Variants in ANKFN1 observed in about 807,000 individuals in gnomAD.
The protein encoded by ANKFN1 is ankyrin repeat and fibronectin type III domain containing 1.
ANKFN1 carries 74 observed loss-of-function variants against 108.7 expected under a neutral mutation model. The observed-to-expected ratio is 0.68, with a 90% CI of 0.56 to 0.83. The LOEUF is 0.83. ANKFN1 is among the 40% of genes least tolerant of loss of function. The pLI is 0.00. For missense variants in ANKFN1, 1,505 were observed against 1,382.3 expected, an observed-to-expected ratio of 1.09 and a Z score of -1.41; for synonymous variants, 547 against 516.2, an observed-to-expected ratio of 1.06 and a Z score of -0.81.
intron 4 of ANKFN1, among the ~76,000 whole-genome samples, chr17:56,114,285 A>G (rs1906140173): frequency 6.6e-6 from 1 of 152,228 alleles, no homozygotes. Context: ...CAATAAAGAA[A>G]TGACACCTCA....
At chr17:56,454,421 T>C (rs1243742070) in intron 11 of ANKFN1, among the ~76,000 whole-genome samples, 1 of 152,230 alleles carries the variant, frequency 6.6e-6, no homozygotes, top group African/African-American at 2.4e-5. Context: ...GAATAATCTT[T>C]CTTTTCTGTA....
intron 20 of ANKFN1, among the ~76,000 whole-genome samples, chr17:56,506,620 T>C (rs2051578535): frequency 6.6e-6 from 1 of 151,318 alleles, no homozygotes. Context: ...ATGTGGTAAT[T>C]TGTTCCAGCA....
At chr17:56,293,281 G>A (rs916610911) in intron 3 of ANKFN1, among the ~76,000 whole-genome samples, 17 of 152,110 alleles carry the variant, frequency 1.1e-4, no homozygotes, top group Admixed American at 7.2e-4. Context: ...TAGGCACAGG[G>A]CCAAACATAT....
intron 4 of ANKFN1, among the ~76,000 whole-genome samples, chr17:56,102,201 C>T (rs11656623): frequency 0.15 from 22,074 of 152,058 alleles, 1,686 homozygotes; most frequent in Admixed American, 0.19. Context: ...CGCCCCCTGC[C>T]CTGCAGTCAA....
intron 13 of ANKFN1, 89 bp downstream of exon 13, chr17:56,457,478 C>A (rs1400046287): frequency 1.5e-6 from 2 of 1,362,702 alleles, no homozygotes; most frequent in Non-Finnish European, 2.0e-6. Flanking sequence ...GGGTCTCCAG[C>A]GATCAGAGTT....
chr17:56,273,356 T>C lies in ANKFN1; in HGVS notation c.53+45399T>C, dbSNP rs373139563. 3.3e-4 allele frequency among the ~76,000 whole-genome samples: 51 copies of C among 152,312 alleles called. 1 individual carries two copies. The East Asian group carries it at 8.5e-3, about 25-fold the overall frequency. On this transcript the variant is annotated intron_variant, in intron 3 of 20. Transcript: ENST00000682825. Reference sequence around the variant, plus strand: ...TTTTTAGCCATTCTTTGTTTGACACTTGGATTTTTTTCCCAATTTTTTACT... The same window carrying C: ...TTTTTAGCCATTCTTTGTTTGACACCTGGATTTTTTTCCCAATTTTTTACT...
In ANKFN1 at chr17:56,170,682, G is replaced by C. The variant is rs1012175670; in HGVS notation, c.-71+17152G>C. ...GGAGGCTGAGGCAGGAGAATCTCTT[G>C]AACCTGGGAGGCCGAGGTTGCAGTG... is the stretch of plus-strand genomic sequence containing the variant. On this transcript the variant is annotated intron_variant, in intron 1 of 20. Coordinates refer to ENST00000682825, the MANE Select transcript of ANKFN1 (RefSeq NM_001370326.1). 2.0e-5 allele frequency among the ~76,000 whole-genome samples: 3 copies of C among 149,918 alleles called. No homozygotes were observed. In the East Asian group the frequency reaches 5.9e-4, roughly 29 times the overall value.
intron 4 of ANKFN1, among the ~76,000 whole-genome samples, chr17:56,110,462 T>A: frequency 6.6e-6 from 1 of 152,216 alleles, no homozygotes; most frequent in African/African-American, 2.4e-5. Context: ...CTTGTGGGAC[T>A]AGTCGATTAG....
rs1261255945 is a variant in ANKFN1 at position 56,511,805 on chromosome 17, G to C, written c.*536G>C. The C allele has an allele frequency of 6.5e-6, 1 of 153,820 alleles. No individual in the cohort carries two copies. Among genetic ancestry groups the C allele is most frequent in the East Asian group, 1.9e-4 (1 of 5,206 alleles). 9.5% of individuals were successfully genotyped at this position (153,820 alleles called of 1,614,324 possible). On this transcript the variant is annotated 3_prime_UTR_variant, in exon 21 of 21. Transcript: ENST00000682825. ...CCTTGGTTCCCTGTCAGCTAAACTA[G>C]GTCATTCCAAAGTGCAGAATTCTCA...
chr17:56,147,257 C>T (rs1908320433), intron 4 of ANKFN1, among the ~76,000 whole-genome samples: 1 of 152,180 alleles, frequency 6.6e-6, no homozygotes, highest in Non-Finnish European at 1.5e-5. Flanking sequence ...CCAAACTGTT[C>T]CAGCCTCTGC....
At chr17:56,123,519 A>G (rs1204624769) in intron 4 of ANKFN1, among the ~76,000 whole-genome samples, 1 of 152,150 alleles carries the variant, frequency 6.6e-6, no homozygotes, top group Non-Finnish European at 1.5e-5. Context: ...ACTCCCAAAA[A>G]CACACAGAAG....
intron 4 of ANKFN1, among the ~76,000 whole-genome samples, chr17:56,146,505 C>A (rs1356790865): frequency 3.3e-5 from 5 of 152,222 alleles, no homozygotes. Context: ...CCATCCCAAA[C>A]CTCAATTTTT....
At chr17:56,451,125 T>C (rs1035739364) in intron 11 of ANKFN1, among the ~76,000 whole-genome samples, 2 of 152,196 alleles carry the variant, frequency 1.3e-5, no homozygotes, top group Non-Finnish European at 2.9e-5. Flanking sequence ...TGAAAAAGGT[T>C]CTCTTGTCAT....
chr17:56,336,421 T>A (rs1202412732), intron 4 of ANKFN1, among the ~76,000 whole-genome samples: 4 of 152,198 alleles, frequency 2.6e-5, no homozygotes, highest in Non-Finnish European at 5.9e-5. Flanking sequence ...ATTCAGAGAT[T>A]CAACTTCTTC....
intron 4 of ANKFN1, among the ~76,000 whole-genome samples, chr17:56,140,779 C>A (rs1447017274): frequency 1.3e-5 from 2 of 152,122 alleles, no homozygotes; most frequent in Non-Finnish European, 2.9e-5. Context: ...TGTATGTTCC[C>A]TAAGTATGCC....
At chr17:56,369,139 A>G (rs1310050601) in intron 6 of ANKFN1, among the ~76,000 whole-genome samples, 3 of 152,230 alleles carry the variant, frequency 2.0e-5, no homozygotes, top group Admixed American at 6.5e-5. Flanking sequence ...ATTAATCTGG[A>G]CATTCAAGGA....
At chr17:56,091,865 A>G (rs901571757) in intron 4 of ANKFN1, among the ~76,000 whole-genome samples, 1 of 151,434 alleles carries the variant, frequency 6.6e-6, no homozygotes, top group Non-Finnish European at 1.5e-5. Flanking sequence ...CCTGTAATGT[A>G]TATGTAAACT....
chr17:56,075,468 A>T (rs1222681311), intron 4 of ANKFN1, among the ~76,000 whole-genome samples: 2 of 152,046 alleles, frequency 1.3e-5, no homozygotes, highest in African/African-American at 2.4e-5. Context: ...TTTTCTCCAT[A>T]GTGTCCTAAA....
intron 3 of ANKFN1, among the ~76,000 whole-genome samples, chr17:56,323,969 G>A (rs989137582): frequency 6.6e-6 from 1 of 152,166 alleles, no homozygotes; most frequent in Admixed American, 6.5e-5. Flanking sequence ...CAGCCTAGGG[G>A]CTAGAAAAAT....
Sources: allele counts gnomAD v4.1 joint callset (sites outside exome capture counted in the v4.1 genomes callset), GRCh38; gene constraint gnomAD v4.1.1; transcripts MANE v1.5; gene names NCBI Gene and HGNC (gene_info 2026-07-23, HGNC 2026-07-21).